ADARB1: variants seen among roughly 807,000 people sequenced by gnomAD.
The protein encoded by ADARB1 is double-stranded RNA-specific editase 1.
Under a neutral mutation model 52.4 loss-of-function variants are expected in ADARB1, and 10 were observed. The ratio of observed to expected loss-of-function variants is 0.19; its 90% confidence interval spans 0.12 to 0.32. The LOEUF (loss-of-function observed/expected upper bound fraction) is 0.32. Among genes scored for constraint, ADARB1 ranks in the 10% least tolerant of loss-of-function variants. The probability of loss-of-function intolerance (pLI) is 1.00; values close to 1 mark genes in which losing one functional copy is unlikely to be tolerated. For synonymous variants in ADARB1, 349 were observed against 371.1 expected (o/e 0.94, Z 0.68); for missense variants, 643 against 922.3 (o/e 0.70, Z 3.92).
intron 2 of ADARB1, among the ~76,000 whole-genome samples, chr21:45,164,623 A>G (rs1301392773): frequency 6.6e-6 from 1 of 152,128 alleles, no homozygotes; most frequent in African/African-American, 2.4e-5. Context: ...AGGACATGGC[A>G]GGGAGGGAAC....
At chr21:45,135,461 G>C (rs1026314302) in intron 2 of ADARB1, among the ~76,000 whole-genome samples, 1 of 152,242 alleles carries the variant, frequency 6.6e-6, no homozygotes, top group Non-Finnish European at 1.5e-5. Context: ...AGAGGACTCA[G>C]TGATTTAAGA....
At position 45,175,760 on chromosome 21, in the gene ADARB1, G is replaced by A. The variant is rs375341807; in HGVS notation, c.59G>A (p.Arg20His). Residue 20 changes from arginine to histidine, a missense_variant, in exon 4 of 11, where the codon CGC becomes CAC. Physicochemically the swap from Arg to His is conservative, Grantham distance 29 (BLOSUM62 0). Coordinates refer to ENST00000348831, the MANE Select transcript of ADARB1 (RefSeq NM_001112.4). ...AGCAGCACTGATGTGAAGGAAAACC[G>A]CAATCTGGACAACGTGTCCCCCAAG... ...SSSSTDVKEN[R>H]NLDNVSPKDG... 17 of 1,613,952 alleles carry A rather than the reference G, an allele frequency of 1.1e-5. No individual in the cohort carries two copies. Among genetic ancestry groups the A allele is most frequent in the Admixed American group, 1.7e-5 (1 of 60,006 alleles).
intron 8 of ADARB1, 112 bp downstream of exon 8, chr21:45,185,203 A>G: frequency 7.3e-7 from 1 of 1,374,368 alleles, no homozygotes; most frequent in South Asian, 1.3e-5. Context: ...TTTCCCACTC[A>G]GGTGTTCCAC....
chr21:45,176,348 G>C lies in ADARB1; in HGVS notation c.647G>C (p.Ser216Thr). 1 of 1,614,090 alleles carries C rather than the reference G, an allele frequency of 6.2e-7. No individual in the cohort carries two copies. Among genetic ancestry groups the C allele is most frequent in the Non-Finnish European group, 8.5e-7 (1 of 1,179,974 alleles). ...TTGTCTGCTTCCCCGGTGCCTGCCA[G>C]CCTAGCCCAGCCTCCTCTCCCTGTC... is the stretch of plus-strand genomic sequence containing the variant. ...LSLSASPVPA[S>T]LAQPPLPVLP... The change falls in exon 4 of 11, where the codon AGC becomes ACC. Residue 216 changes from serine (S) to threonine (T), a missense_variant. Transcript: ENST00000348831. This position sits in a 1 kb window ranked among gnomAD's most constrained non-coding sequence, Gnocchi z 5.8.
In ADARB1 at chr21:45,175,871, A is replaced by T. The variant is rs147822904; in HGVS notation, c.170A>T (p.Glu57Val). ...GGPGRKRPLE[E>V]GSNGHSKYRL... ...CCCGGCAGAAAGCGGCCCCTGGAGG[A>T]GGGCAGCAATGGCCACTCCAAGTAC... The change falls in exon 4 of 11, where the codon GAG becomes GTG. Residue 57 changes from glutamate to valine, a missense_variant. Coordinates refer to ENST00000348831, the MANE Select transcript of ADARB1 (RefSeq NM_001112.4). 6 of 1,613,414 alleles carry T rather than the reference A, an allele frequency of 3.7e-6. No individual in the cohort carries two copies. In the Admixed American group the frequency reaches 1.0e-4, roughly 27 times the overall value.
chr21:45,159,054 A>G (rs1188491767), intron 2 of ADARB1, among the ~76,000 whole-genome samples: 2 of 152,248 alleles, frequency 1.3e-5, no homozygotes, highest in African/African-American at 4.8e-5. Context: ...ACATAGATAC[A>G]AAATAAACTT....
In ADARB1 at chr21:45,225,597, G is replaced by T; in HGVS notation, c.*3400G>T. Reference sequence around the variant, plus strand: ...TCTTCACATTGTGCACAGATCTGAGGATGGGATTAGCGAAGCTGTGGAGAC... The same window carrying T: ...TCTTCACATTGTGCACAGATCTGAGTATGGGATTAGCGAAGCTGTGGAGAC... On this transcript the variant is annotated 3_prime_UTR_variant, in exon 11 of 11. Transcript: ENST00000348831. 1.5e-6 allele frequency: 2 copies of T among 1,320,824 alleles called. No individual in the cohort carries two copies. The highest frequency in any genetic ancestry group is 2.0e-6 in the Non-Finnish European group (2 of 1,023,162). 81.8% of individuals were successfully genotyped at this position (1,320,824 alleles called of 1,614,324 possible). A position where few individuals can be genotyped will look rare whatever the true frequency, so the allele number is the denominator to read the frequency against.
chr21:45,223,196 A>T lies in ADARB1; in HGVS notation c.*999A>T, dbSNP rs900913554. ...AGGATGGAAGTAGAATGATTTCAGTAGATACTCATTCTTGGAAAATGCCAT... is the reference window on the plus strand; with the variant it reads ...AGGATGGAAGTAGAATGATTTCAGTTGATACTCATTCTTGGAAAATGCCAT... On this transcript the variant is annotated 3_prime_UTR_variant, in exon 11 of 11. Transcript: ENST00000348831. The T allele has an allele frequency of 2.0e-6, 2 of 984,338 alleles. No individual in the cohort carries two copies. Among genetic ancestry groups the T allele is most frequent in the African/African-American group, 3.5e-5 (2 of 56,384 alleles). The allele number at this position is 984,338 out of a possible 1,614,324, so 61.0% of individuals were successfully genotyped here.
At position 45,079,156 on chromosome 21, in the gene ADARB1, G is replaced by A. The variant is rs115268722; in HGVS notation, c.-220+4363G>A. Among the ~76,000 whole-genome samples, 635 of 152,266 alleles carry A rather than the reference G, an allele frequency of 4.2e-3. 4 individuals carry two copies. The highest frequency in any genetic ancestry group is 0.014 in the African/African-American group (601 of 41,550). The stretch of plus-strand genomic sequence containing the variant: ...GTGGTGAGATCAGATTCAGCCTACT[G>A]AATTTCAGCATTTGTAAGATGCCAT... On this transcript the variant is annotated intron_variant, in intron 1 of 10. Coordinates refer to ENST00000348831, the MANE Select transcript of ADARB1 (RefSeq NM_001112.4).
chr21:45,117,811 T>C lies in ADARB1; in HGVS notation c.-219-10591T>C, dbSNP rs2087915455. On this transcript the variant is annotated intron_variant, in intron 1 of 10. Transcript: ENST00000348831. Reference sequence around the variant, plus strand: ...GAATGGGTATAAATTAAGTTGGAGATTTCCTCTTTCTCCCTCCCCACCCCA... The same window carrying C: ...GAATGGGTATAAATTAAGTTGGAGACTTCCTCTTTCTCCCTCCCCACCCCA... Among the ~76,000 whole-genome samples the C allele has an allele frequency of 6.6e-5, 10 of 152,194 alleles. No homozygotes were observed. The South Asian group carries it at 2.1e-3, about 32-fold the overall frequency.
intron 9 of ADARB1, among the ~76,000 whole-genome samples, chr21:45,212,828 A>T (rs145513629): frequency 1.3e-5 from 2 of 152,236 alleles, no homozygotes; most frequent in African/African-American, 4.8e-5. Context: ...AAAGATCTAT[A>T]TGAGAAAACA....
intron 9 of ADARB1, among the ~76,000 whole-genome samples, chr21:45,214,787 A>T (rs574743100): frequency 6.6e-6 from 1 of 152,196 alleles, no homozygotes; most frequent in Non-Finnish European, 1.5e-5. Flanking sequence ...TAGTTTTATT[A>T]TAAGTTTTGA....
chr21:45,090,359 A>AT (rs1157878063), intron 1 of ADARB1, among the ~76,000 whole-genome samples: 1 of 151,378 alleles, frequency 6.6e-6, no homozygotes, highest in Admixed American at 6.6e-5. Flanking sequence ...TAGTCTTTTC[A>AT]TTTTTTTCAT....
intron 1 of ADARB1, among the ~76,000 whole-genome samples, chr21:45,106,421 GGA>G (rs1006927884): frequency 2.6e-5 from 4 of 152,120 alleles, no homozygotes. Context: ...TACGTGACCT[GGA>G]GAGAGAGGGG....
intron 9 of ADARB1, among the ~76,000 whole-genome samples, chr21:45,209,476 G>T (rs1311931244): frequency 6.6e-6 from 1 of 152,154 alleles, no homozygotes; most frequent in Non-Finnish European, 1.5e-5. Context: ...GTCCTGTGTG[G>T]GTGGGGCCCT....
intron 2 of ADARB1, among the ~76,000 whole-genome samples, chr21:45,149,534 G>T (rs2090177498): frequency 6.6e-6 from 1 of 152,162 alleles, no homozygotes; most frequent in Non-Finnish European, 1.5e-5. Flanking sequence ...TCTTCAAAAT[G>T]GAAAAAATAT....
intron 1 of ADARB1, among the ~76,000 whole-genome samples, chr21:45,102,908 G>T (rs528197458): frequency 1.3e-5 from 2 of 152,166 alleles, no homozygotes; most frequent in Admixed American, 1.3e-4. Flanking sequence ...GAAGTGGGGC[G>T]GGGGGCTCAA....
At chr21:45,191,635 A>G (rs2146265170) in intron 8 of ADARB1, among the ~76,000 whole-genome samples, 1 of 152,088 alleles carries the variant, frequency 6.6e-6, no homozygotes, top group Non-Finnish European at 1.5e-5. Flanking sequence ...GTTTTAACAT[A>G]CTGTTTGATT....
Position 45,142,888 on chromosome 21 carries a change from ACT to A in ADARB1, c.-48+14318_-48+14319del, listed in dbSNP as rs2089803994. Among the ~76,000 whole-genome samples, 1 of 151,802 alleles carries A rather than the reference ACT, an allele frequency of 6.6e-6. No homozygotes were observed. The highest frequency in any genetic ancestry group is 2.4e-5 in the African/African-American group (1 of 41,324). On this transcript the variant is annotated intron_variant, in intron 2 of 10. Transcript: ENST00000348831. This position sits in a 1 kb window ranked among gnomAD's most constrained non-coding sequence, Gnocchi z 4.0. ...CTTTGACCAGGGGGACCAGCTAGTG[ACT>A]CTGTGCTGGTTACTACTTTACCAAC...
Sources: allele counts gnomAD v4.1 joint callset (sites outside exome capture counted in the v4.1 genomes callset), GRCh38; gene constraint gnomAD v4.1.1; non-coding constraint Gnocchi (gnomAD v3.1); transcripts MANE v1.5; gene names NCBI Gene and HGNC (gene_info 2026-07-23, HGNC 2026-07-21).